RBFOX3: variants seen among roughly 807,000 people sequenced by gnomAD.
RBFOX3 encodes the protein RNA binding fox-1 homolog 3, also known as RNA binding protein fox-1 homolog 3.
A neutral mutation model predicts 48.7 loss-of-function variants in RBFOX3; 17 were observed. That is an observed-to-expected ratio of 0.35 (90% CI 0.24 to 0.52). The LOEUF (loss-of-function observed/expected upper bound fraction) is 0.52. RBFOX3 is among the 20% of genes least tolerant of loss of function. The pLI is 0.94. For missense variants in RBFOX3, 382 were observed against 497.5 expected, an observed-to-expected ratio of 0.77 and a Z score of 2.21; for synonymous variants, 212 against 209.5, an observed-to-expected ratio of 1.01 and a Z score of -0.10.
At chr17:79,332,423 A>G (rs2015057) in intron 2 of RBFOX3, among the ~76,000 whole-genome samples, 149,193 of 152,128 alleles carry the variant, frequency 0.98, 73,227 homozygotes, top group East Asian at 1. Context: ...GAGCCCTAGG[A>G]TGCTGGAGAG....
intron 3 of RBFOX3, among the ~76,000 whole-genome samples, chr17:79,264,230 C>A (rs1411438869): frequency 6.6e-6 from 1 of 151,872 alleles, no homozygotes; most frequent in African/African-American, 2.4e-5. Context: ...CACCTGCCAC[C>A]ACACCTGGCT....
intron 3 of RBFOX3, among the ~76,000 whole-genome samples, chr17:79,303,343 T>C (rs35176251): frequency 0.028 from 4,264 of 152,290 alleles, 116 homozygotes; most frequent in South Asian, 0.15. Context: ...TACACACAAA[T>C]GCTTCGCCTG....
intron 2 of RBFOX3, among the ~76,000 whole-genome samples, chr17:79,317,852 G>A (rs529047698): frequency 2.0e-5 from 3 of 152,218 alleles, no homozygotes; most frequent in Admixed American, 2.0e-4. Context: ...AAAGAGATTC[G>A]ATCTGGCTGG....
intron 1 of RBFOX3, among the ~76,000 whole-genome samples, chr17:79,570,055 T>A (rs1035512139): frequency 6.8e-6 from 1 of 147,208 alleles, no homozygotes; most frequent in African/African-American, 2.5e-5. Context: ...GGATGGTGAA[T>A]GGGCAGATGG....
chr17:79,621,579 C>G, the RBFOX3 span, among the ~76,000 whole-genome samples: 3 of 152,182 alleles, frequency 2.0e-5, no homozygotes, highest in Non-Finnish European at 4.4e-5. Context: ...AAATTCTGAC[C>G]TGTACAAGTG....
Position 79,333,728 on chromosome 17 carries a change from G to C in RBFOX3, c.-174-25904C>G, listed in dbSNP as rs1342931623. On this transcript the variant is annotated intron_variant, in intron 2 of 14. Coordinates refer to ENST00000693108, the MANE Select transcript of RBFOX3 (RefSeq NM_001350451.2). ...ACACACCCACAGTCAGCCCCTGGATGGGAGTTCAGCAAGGGCTGAGTCTCC... is the reference window on the plus strand; with the variant it reads ...ACACACCCACAGTCAGCCCCTGGATCGGAGTTCAGCAAGGGCTGAGTCTCC... Among the ~76,000 whole-genome samples, 3 of 152,240 alleles carry C rather than the reference G, an allele frequency of 2.0e-5. No homozygotes were observed. In the East Asian group the frequency reaches 5.8e-4, roughly 29 times the overall value.
rs887163342 is a variant in RBFOX3 at position 79,205,948 on chromosome 17, T to C, written c.-34+29818A>G. ...ATCATTCTCTTGCTCTTTTCCACAA[T>C]ATAGTCTGCAGGGACCTTGGCCGTT... On this transcript the variant is annotated intron_variant, in intron 4 of 14. Coordinates refer to ENST00000693108, the MANE Select transcript of RBFOX3 (RefSeq NM_001350451.2). The surrounding 1 kb of genome is among the most constrained non-coding windows in gnomAD (Gnocchi z 4.5). Among the ~76,000 whole-genome samples the C allele has an allele frequency of 1.3e-5, 2 of 151,920 alleles. No homozygotes were observed. The highest frequency in any genetic ancestry group is 1.9e-4 in the East Asian group (1 of 5,148).
chr17:79,246,472 T>A (rs7216240), intron 3 of RBFOX3, among the ~76,000 whole-genome samples: 4 of 152,194 alleles, frequency 2.6e-5, no homozygotes, highest in Non-Finnish European at 5.9e-5. Flanking sequence ...GCGGAGTCCC[T>A]GTCTGAGCTG....
At chr17:79,565,201 G>A (rs1158044350) in intron 1 of RBFOX3, among the ~76,000 whole-genome samples, 4 of 152,072 alleles carry the variant, frequency 2.6e-5, no homozygotes, top group Non-Finnish European at 5.9e-5. Context: ...CTCTGGGTGG[G>A]AAGATTAAGG....
intron 1 of RBFOX3, chr17:79,600,592 G>A (rs900901059): frequency 2.0e-5 from 3 of 152,222 alleles, no homozygotes; most frequent in South Asian, 4.2e-4. Context: ...GGAGACCCCC[G>A]GGGTCTTCAG....
At chr17:79,159,958 G>A (rs1168413483) in intron 4 of RBFOX3, among the ~76,000 whole-genome samples, 1 of 152,198 alleles carries the variant, frequency 6.6e-6, no homozygotes, top group Non-Finnish European at 1.5e-5. Flanking sequence ...CCCCAGCACC[G>A]TTGATACAGC....
chr17:79,178,555 T>G lies in RBFOX3; in HGVS notation c.-34+57211A>C, dbSNP rs1599831543. ...TCCCGAGGTAGTACGTGACCTAACCTCCCAGTGCCTCGGTTTCTCCAACTG... is the reference window on the plus strand; with the variant it reads ...TCCCGAGGTAGTACGTGACCTAACCGCCCAGTGCCTCGGTTTCTCCAACTG... On this transcript the variant is annotated intron_variant, in intron 4 of 14. Coordinates refer to ENST00000693108, the MANE Select transcript of RBFOX3 (RefSeq NM_001350451.2). 2.0e-5 allele frequency among the ~76,000 whole-genome samples: 3 copies of G among 152,212 alleles called. No individual in the cohort carries two copies. The Middle Eastern group carries it at 0.01, about 518-fold the overall frequency.
chr17:79,484,624 G>A (rs1158096950), intron 1 of RBFOX3, among the ~76,000 whole-genome samples: 7 of 152,088 alleles, frequency 4.6e-5, no homozygotes, highest in African/African-American at 1.7e-4. Flanking sequence ...GGACTCAGGT[G>A]GAGGTGGAAG....
chr17:79,357,364 A>G (rs999962424), intron 2 of RBFOX3, among the ~76,000 whole-genome samples: 2 of 152,266 alleles, frequency 1.3e-5, no homozygotes, highest in African/African-American at 4.8e-5. Context: ...GCTGTGGTTC[A>G]CGCCTGTAAT....
intron 2 of RBFOX3, among the ~76,000 whole-genome samples, chr17:79,427,181 C>T (rs1349991125): frequency 2.6e-5 from 4 of 152,162 alleles, no homozygotes; most frequent in African/African-American, 9.7e-5. Flanking sequence ...GACGGGGGGC[C>T]CCTGCCCAGA....
Position 79,214,159 on chromosome 17 carries a change from C to T in RBFOX3, c.-34+21607G>A, listed in dbSNP as rs898997278. Among the ~76,000 whole-genome samples, 1 of 152,232 alleles carries T rather than the reference C, an allele frequency of 6.6e-6. No homozygotes were observed. Among genetic ancestry groups the T allele is most frequent in the Non-Finnish European group, 1.5e-5 (1 of 68,048 alleles). On this transcript the variant is annotated intron_variant, in intron 4 of 14. Coordinates refer to ENST00000693108, the MANE Select transcript of RBFOX3 (RefSeq NM_001350451.2). This position sits in a 1 kb window ranked among gnomAD's most constrained non-coding sequence, Gnocchi z 4.7. ...ACCATGATGGATCTCTCTTTAGGAA[C>T]TGCCCCTCACCAGAGCTTTGCCACC...
At chr17:79,527,678 G>A (rs2086982925) in intron 1 of RBFOX3, among the ~76,000 whole-genome samples, 2 of 152,192 alleles carry the variant, frequency 1.3e-5, no homozygotes, top group Admixed American at 6.5e-5. Context: ...ATCTGCTTCC[G>A]ATATCCCCCA....
At chr17:79,381,226 T>A (rs1398605259) in intron 2 of RBFOX3, among the ~76,000 whole-genome samples, 1 of 150,800 alleles carries the variant, frequency 6.6e-6, no homozygotes, top group Non-Finnish European at 1.5e-5. Context: ...CGCCACTGCA[T>A]TCCAGCCTGG....
intron 1 of RBFOX3, among the ~76,000 whole-genome samples, chr17:79,609,240 G>T (rs1473040927): frequency 6.6e-6 from 1 of 152,172 alleles, no homozygotes; most frequent in Admixed American, 6.5e-5. Flanking sequence ...CCGGCTTCCG[G>T]CTGAAAGACC....
Sources: gnomAD v4.1 joint callset for allele counts (sites outside exome capture counted in the v4.1 genomes callset) on GRCh38, gnomAD v4.1.1 for gene constraint, Gnocchi (gnomAD v3.1) non-coding constraint, MANE v1.5 for transcripts, NCBI Gene and HGNC (gene_info 2026-07-23, HGNC 2026-07-21) for gene names.